Variants in SMPDL3A observed in about 807,000 individuals in gnomAD.
SMPDL3A encodes the protein cyclic GMP-AMP phosphodiesterase SMPDL3A.
A neutral mutation model predicts 38.5 loss-of-function variants in SMPDL3A; 39 were observed. That is an observed-to-expected ratio of 1.01 (90% confidence interval 0.78 to 1.32). The LOEUF is 1.32. Among genes scored for constraint, SMPDL3A ranks in the 40% most tolerant of loss-of-function variants. The probability of loss-of-function intolerance (pLI) is 0.00; values close to 1 mark genes in which losing one functional copy is unlikely to be tolerated. For missense variants in SMPDL3A, 502 were observed against 536.2 expected (o/e 0.94, Z 0.63); for synonymous variants, 180 against 194.3 (o/e 0.93, Z 0.61).
intron 3 of SMPDL3A, among the ~76,000 whole-genome samples, chr6:122,797,901 T>G (rs1465019454): frequency 6.6e-6 from 1 of 152,194 alleles, no homozygotes; most frequent in Non-Finnish European, 1.5e-5. Flanking sequence ...GTCCAAGTGC[T>G]CCACATCCCT....
chr6:122,808,611 CT>C (rs1158765416), intron 7 of SMPDL3A, among the ~76,000 whole-genome samples: 31 of 88,562 alleles, frequency 3.5e-4, no homozygotes, highest in African/African-American at 5.2e-4. Flanking sequence ...CCCTCCCTCC[CT>C]TCCTTCCTTC....
intron 4 of SMPDL3A, among the ~76,000 whole-genome samples, chr6:122,802,896 G>T (rs1269520593): frequency 2.2e-5 from 1 of 44,808 alleles, no homozygotes; most frequent in African/African-American, 4.6e-5. Flanking sequence ...CTACTACTTG[G>T]ACATGAAAGC....
Position 122,801,425 on chromosome 6 carries a change from T to G in SMPDL3A, c.568+19T>G. 6.6e-7 allele frequency: 1 copy of G among 1,507,870 alleles called. No individual in the cohort carries two copies. The allele number at this position is 1,507,870 out of a possible 1,614,324, so 93.4% of individuals were successfully genotyped here. On this transcript the variant is annotated intron_variant, in intron 4 of 7. Transcript: ENST00000368440. ...AGGAAAGGTAAGTGAAAGACTTAGT[T>G]ATTCCTATTTTGCCTCAATTTTTAT...
rs1781554024 is a variant in SMPDL3A, at chr6:122,804,956, G to A, written c.786G>A (p.Gln262=). ...CAGTGGGGTATCTGCCATCTTCACA[G>A]AACATCACAGCAATGAGAGAATACT... is the stretch of plus-strand genomic sequence containing the variant. The part of the protein sequence containing the change: ...HVPVGYLPSS[Q]NITAMREYYN... The change falls in exon 6 of 8, where the codon CAG becomes CAA. Residue 262 remains glutamine, a synonymous_variant. Transcript: ENST00000368440. 1 of 1,612,984 alleles carries A rather than the reference G, an allele frequency of 6.2e-7. No homozygotes were observed. The highest frequency in any genetic ancestry group is 2.2e-5 in the East Asian group (1 of 44,828).
chr6:122,805,512 A>G (rs1414081629), intron 6 of SMPDL3A, among the ~76,000 whole-genome samples: 1 of 152,248 alleles, frequency 6.6e-6, no homozygotes, highest in Non-Finnish European at 1.5e-5. Context: ...AATAAAATAT[A>G]TTAAGCTCTT....
intron 1 of SMPDL3A, among the ~76,000 whole-genome samples, chr6:122,794,950 A>G (rs1331658422): frequency 6.6e-6 from 1 of 152,212 alleles, no homozygotes; most frequent in African/African-American, 2.4e-5. Context: ...TCATATTTAT[A>G]CGTCAATTTT....
chr6:122,803,918 C>G, intron 5 of SMPDL3A, 85 bp downstream of exon 5: 7 of 1,024,006 alleles, frequency 6.8e-6, no homozygotes, highest in Non-Finnish European at 1.0e-5. Flanking sequence ...ACTCCAGTAT[C>G]AATAAAAGTA....
chr6:122,802,126 T>C (rs1781445063), intron 4 of SMPDL3A, among the ~76,000 whole-genome samples: 3 of 152,160 alleles, frequency 2.0e-5, no homozygotes, highest in South Asian at 4.1e-4. Flanking sequence ...TCATAGTATA[T>C]ATGAATTTGA....
chr6:122,807,947 A>G (rs1480209761), intron 7 of SMPDL3A, among the ~76,000 whole-genome samples: 1 of 152,206 alleles, frequency 6.6e-6, no homozygotes, highest in African/African-American at 2.4e-5. Context: ...ATCCATCTAT[A>G]TATGTGTTTA....
At chr6:122,798,205 C>G (rs1290674697) in intron 3 of SMPDL3A, among the ~76,000 whole-genome samples, 1 of 152,126 alleles carries the variant, frequency 6.6e-6, no homozygotes, top group Non-Finnish European at 1.5e-5. Context: ...GACTTCTTGT[C>G]CCTGGCCTAC....
chr6:122,796,468 C>G (rs976826877), intron 2 of SMPDL3A, among the ~76,000 whole-genome samples: 1 of 152,100 alleles, frequency 6.6e-6, no homozygotes, highest in Admixed American at 6.5e-5. Flanking sequence ...AAGTAACTTA[C>G]GAGTATACAC....
Position 122,789,372 on chromosome 6 carries a change from G to T in SMPDL3A, c.26G>T (p.Cys9Phe). Reference sequence around the variant, plus strand: ...ATGGCGCTGGTGCGCGCACTCGTCTGCTGCCTGCTGACTGCCTGGCACTGC... The same window carrying T: ...ATGGCGCTGGTGCGCGCACTCGTCTTCTGCCTGCTGACTGCCTGGCACTGC... MALVRALV[C>F]CLLTAWHCRS... Residue 9 changes from cysteine (C) to phenylalanine (F), a missense_variant, in exon 1 of 8, where the codon TGC (cysteine) becomes TTC (phenylalanine). Coordinates refer to ENST00000368440, the MANE Select transcript of SMPDL3A (RefSeq NM_006714.5). 6.5e-7 allele frequency: 1 copy of T among 1,548,302 alleles called. No homozygotes were observed. Among genetic ancestry groups the T allele is most frequent in the South Asian group, 1.2e-5 (1 of 83,920 alleles).
rs778334455 is a variant in SMPDL3A at position 122,806,284 on chromosome 6, G to A, written c.971G>A (p.Ser324Asn). The A allele has an allele frequency of 6.2e-7, 1 of 1,612,704 alleles. No homozygotes were observed. The highest frequency in any genetic ancestry group is 8.5e-7 in the Non-Finnish European group (1 of 1,178,982). The stretch of plus-strand genomic sequence containing the variant: ...GCTCCTGCTGTTACACCAGTGAAGA[G>A]TGTTTTAGAAAAACAGACCAACAAT... The part of the protein sequence containing the change: ...FVAPAVTPVK[S>N]VLEKQTNNPG... The change falls in exon 7 of 8, where the codon AGT (serine) becomes AAT (asparagine). Residue 324 changes from serine to asparagine, a missense_variant. Physicochemically the swap from Ser to Asn is conservative, Grantham distance 46 (BLOSUM62 1). Transcript: ENST00000368440.
intron 3 of SMPDL3A, chr6:122,797,229 T>C (rs944270083): frequency 2.0e-5 from 7 of 341,502 alleles, no homozygotes; most frequent in Admixed American, 9.3e-5. Context: ...TAATTTATGT[T>C]TTCCTTCATA....
rs192877243 is a variant in SMPDL3A, at chr6:122,795,907, G to T, written c.326+17G>T. The T allele has an allele frequency of 1.3e-6, 2 of 1,532,274 alleles. No individual in the cohort carries two copies. The highest frequency in any genetic ancestry group is 1.7e-5 in the Admixed American group (1 of 59,644). The allele number at this position is 1,532,274 out of a possible 1,614,324, so 94.9% of individuals were successfully genotyped here. ...ATGGACAGGGTAAGTGATTATACAAGTACCATTAATTACTCAATATTTATT... is the reference window on the plus strand; with the variant it reads ...ATGGACAGGGTAAGTGATTATACAATTACCATTAATTACTCAATATTTATT... On this transcript the variant is annotated intron_variant, in intron 2 of 7. Coordinates refer to ENST00000368440, the MANE Select transcript of SMPDL3A (RefSeq NM_006714.5).
chr6:122,805,150 T>C (rs1781569378), intron 6 of SMPDL3A, 61 bp downstream of exon 6: 1 of 1,358,090 alleles, frequency 7.4e-7, no homozygotes. Flanking sequence ...GCGGTGAATA[T>C]CCAGTAAATT....
intron 1 of SMPDL3A, among the ~76,000 whole-genome samples, chr6:122,790,965 G>A (rs780171869): frequency 6.6e-6 from 1 of 152,186 alleles, no homozygotes; most frequent in Non-Finnish European, 1.5e-5. Flanking sequence ...AGTGTTACTG[G>A]AGTCACTGGA....
chr6:122,809,706 T>G lies in SMPDL3A; in HGVS notation c.*298T>G. 1 of 217,332 alleles carries G rather than the reference T, an allele frequency of 4.6e-6. No homozygotes were observed. The highest frequency in any genetic ancestry group is 1.1e-4 in the East Asian group (1 of 9,002). 13.5% of individuals were successfully genotyped at this position (217,332 alleles called of 1,614,324 possible). A position where few individuals can be genotyped will look rare whatever the true frequency, so the allele number is the denominator to read the frequency against. On this transcript the variant is annotated 3_prime_UTR_variant, in exon 8 of 8. Coordinates refer to ENST00000368440, the MANE Select transcript of SMPDL3A (RefSeq NM_006714.5). Reference sequence around the variant, plus strand: ...ATTGTCATTTATACAATAAAGCGAATTCTTTATCTCTAAATATGATGAAGT... The same window carrying G: ...ATTGTCATTTATACAATAAAGCGAAGTCTTTATCTCTAAATATGATGAAGT...
At position 122,809,441 on chromosome 6, in the gene SMPDL3A, A is replaced by G; in HGVS notation, c.*33A>G. The stretch of plus-strand genomic sequence containing the variant: ...CAGTTTTTGCTAATAGAAAATGCTG[A>G]TTCTGATTCTGAGATCAATTTGTGG... On this transcript the variant is annotated 3_prime_UTR_variant, in exon 8 of 8. Coordinates refer to ENST00000368440, the MANE Select transcript of SMPDL3A (RefSeq NM_006714.5). 6.9e-7 allele frequency: 1 copy of G among 1,445,554 alleles called. No homozygotes were observed. Among genetic ancestry groups the G allele is most frequent in the Non-Finnish European group, 9.5e-7 (1 of 1,051,328 alleles). 89.5% of individuals were successfully genotyped at this position (1,445,554 alleles called of 1,614,324 possible).
Sources: allele counts gnomAD v4.1 joint callset (sites outside exome capture counted in the v4.1 genomes callset), GRCh38; gene constraint gnomAD v4.1.1; transcripts MANE v1.5; gene names NCBI Gene and HGNC (gene_info 2026-07-23, HGNC 2026-07-21).